Variants in PTPRD observed in about 807,000 individuals in gnomAD.
PTPRD encodes the protein protein tyrosine phosphatase receptor type D.
In PTPRD, 34 loss-of-function variants were observed where a neutral mutation model predicts 214.5. That is an observed-to-expected ratio of 0.16 (90% CI 0.12 to 0.21). The LOEUF (loss-of-function observed/expected upper bound fraction) is 0.21. Among genes scored for constraint, PTPRD ranks in the 10% least tolerant of loss-of-function variants. PTPRD has a pLI of 1.00. For synonymous variants in PTPRD, 1,128 were observed against 845.7 expected, an observed-to-expected ratio of 1.33 and a Z score of -5.79; for missense variants, 2,545 against 2,398.7, an observed-to-expected ratio of 1.06 and a Z score of -1.27.
chr9:9,338,341 G>A (rs1264101612), intron 9 of PTPRD, among the ~76,000 whole-genome samples: 1 of 152,148 alleles, frequency 6.6e-6, no homozygotes, highest in Non-Finnish European at 1.5e-5. Flanking sequence ...TCAGATTGCA[G>A]CAAGATGAAA....
chr9:9,736,207 A>G (rs1252880151), intron 6 of PTPRD, among the ~76,000 whole-genome samples: 2 of 152,106 alleles, frequency 1.3e-5, no homozygotes, highest in Non-Finnish European at 2.9e-5. Flanking sequence ...AATTATCTGT[A>G]TTTGTCAAAG....
intron 2 of PTPRD, among the ~76,000 whole-genome samples, chr9:10,461,277 T>C (rs143069223): frequency 8.3e-6 from 1 of 120,882 alleles, no homozygotes; most frequent in East Asian, 2.6e-4. Flanking sequence ...GAAACTCTTG[T>C]ACTGTGTTGG....
At chr9:9,128,442 C>T (rs1384466175) in intron 10 of PTPRD, among the ~76,000 whole-genome samples, 2 of 152,136 alleles carry the variant, frequency 1.3e-5, no homozygotes, top group Admixed American at 1.3e-4. Context: ...CTATTGCATA[C>T]TATACAAAAC....
intron 9 of PTPRD, among the ~76,000 whole-genome samples, chr9:9,355,617 T>C (rs2138591691): frequency 6.6e-6 from 1 of 151,566 alleles, no homozygotes; most frequent in Admixed American, 6.6e-5. Context: ...GATATTCAAG[T>C]GGATAAGTCA....
At position 8,517,831 on chromosome 9, in the gene PTPRD, T is replaced by C. The variant is rs2138444348; in HGVS notation, c.1543+17A>G. 3.7e-6 allele frequency: 6 copies of C among 1,602,200 alleles called. No homozygotes were observed. The highest frequency in any genetic ancestry group is 5.1e-6 in the Non-Finnish European group (6 of 1,173,024). ...GCCCTTCCCTCCTGCCCTATTTCCC[T>C]CCTCAACCAAACTTACCTCCTGTCT... On this transcript the variant is annotated intron_variant, in intron 21 of 45. Coordinates refer to ENST00000381196, the MANE Select transcript of PTPRD (RefSeq NM_002839.4).
At chr9:10,347,693 A>T (rs1268813069) in intron 2 of PTPRD, among the ~76,000 whole-genome samples, 2 of 151,942 alleles carry the variant, frequency 1.3e-5, no homozygotes, top group African/African-American at 4.8e-5. Context: ...TACAGGCGTG[A>T]GTCACTGCAC....
intron 5 of PTPRD, among the ~76,000 whole-genome samples, chr9:9,794,220 C>T (rs557814557): frequency 4.8e-4 from 72 of 149,606 alleles, no homozygotes; most frequent in African/African-American, 1.7e-3. Flanking sequence ...TATATATACA[C>T]GTACATATAC....
At chr9:9,690,038 C>G (rs1045829266) in intron 7 of PTPRD, among the ~76,000 whole-genome samples, 7 of 151,778 alleles carry the variant, frequency 4.6e-5, no homozygotes, top group Admixed American at 4.6e-4. Context: ...TATAGCAGTT[C>G]TATTTGTAGA....
chr9:8,814,053 T>C (rs1415970886), intron 11 of PTPRD, among the ~76,000 whole-genome samples: 1 of 152,248 alleles, frequency 6.6e-6, no homozygotes, highest in East Asian at 1.9e-4. Flanking sequence ...TTCTGCACCT[T>C]GGTATCTCCC....
chr9:9,274,481 G>A lies in PTPRD; in HGVS notation c.-202-91118C>T, dbSNP rs139455304. 3.3e-4 allele frequency among the ~76,000 whole-genome samples: 50 copies of A among 151,284 alleles called. 2 individuals carry two copies. The East Asian group carries it at 7.7e-3, about 23-fold the overall frequency. On this transcript the variant is annotated intron_variant, in intron 9 of 45. Transcript: ENST00000381196. ...AGATGGCAAATTATAAAGACTTAAG[G>A]TATTATACTTCCAAGGATGAGTCTC...
intron 2 of PTPRD, among the ~76,000 whole-genome samples, chr9:10,436,281 T>C (rs1277634940): frequency 6.6e-6 from 1 of 151,828 alleles, no homozygotes; most frequent in Non-Finnish European, 1.5e-5. Flanking sequence ...TACACACATA[T>C]ATAAATCACA....
chr9:9,468,245 T>C (rs190006229), intron 8 of PTPRD, among the ~76,000 whole-genome samples: 1 of 152,150 alleles, frequency 6.6e-6, no homozygotes, highest in African/African-American at 2.4e-5. Flanking sequence ...TTTATATATA[T>C]TTAGAAACTT....
intron 8 of PTPRD, among the ~76,000 whole-genome samples, chr9:9,438,019 C>T (rs998819827): frequency 2.6e-5 from 4 of 152,148 alleles, no homozygotes; most frequent in Non-Finnish European, 5.9e-5. Context: ...CTAGGCCTTT[C>T]TCCTTAGCCT....
chr9:9,869,142 T>A (rs1235125713), intron 5 of PTPRD, among the ~76,000 whole-genome samples: 1 of 152,110 alleles, frequency 6.6e-6, no homozygotes, highest in African/African-American at 2.4e-5. Context: ...GGACAGATAC[T>A]TACTTTTTTA....
chr9:9,419,184 A>G (rs1288016504), intron 8 of PTPRD, among the ~76,000 whole-genome samples: 1 of 151,410 alleles, frequency 6.6e-6, no homozygotes, highest in African/African-American at 2.4e-5. Flanking sequence ...ATATATATAT[A>G]AAGCTAAATA....
chr9:10,225,173 T>C (rs2099584731), intron 3 of PTPRD, among the ~76,000 whole-genome samples: 2 of 151,910 alleles, frequency 1.3e-5, no homozygotes, highest in South Asian at 2.1e-4. Flanking sequence ...TCAAAAGAGA[T>C]GAATACAGTC....
intron 11 of PTPRD, among the ~76,000 whole-genome samples, chr9:8,745,210 T>G (rs1037161483): frequency 6.6e-6 from 1 of 152,152 alleles, no homozygotes; most frequent in African/African-American, 2.4e-5. Flanking sequence ...ATAATGGAAT[T>G]AATAACCTCA....
At chr9:9,549,040 G>A (rs998388255) in intron 8 of PTPRD, among the ~76,000 whole-genome samples, 1 of 152,006 alleles carries the variant, frequency 6.6e-6, no homozygotes, top group African/African-American at 2.4e-5. Context: ...AACAACTTCA[G>A]AATATATCTC....
At chr9:9,019,315 A>C (rs946600977) in intron 10 of PTPRD, among the ~76,000 whole-genome samples, 6 of 115,708 alleles carry the variant, frequency 5.2e-5, no homozygotes, top group African/African-American at 1.8e-4. Context: ...AAAGAAAGAA[A>C]GAAAGAAAGA....
Sources: allele counts gnomAD v4.1 joint callset (sites outside exome capture counted in the v4.1 genomes callset), GRCh38; gene constraint gnomAD v4.1.1; transcripts MANE v1.5; gene names NCBI Gene and HGNC (gene_info 2026-07-23, HGNC 2026-07-21).